AASDH: variants seen among roughly 807,000 people sequenced by gnomAD.
AASDH encodes the protein beta-alanine-activating enzyme.
AASDH carries 81 observed loss-of-function variants against 102.3 expected under a neutral mutation model. The observed-to-expected ratio is 0.79, with a 90% CI of 0.66 to 0.95. The LOEUF is 0.95. AASDH is among the 40% of genes least tolerant of loss of function. The pLI is 0.00. For missense variants in AASDH, 1,203 were observed against 1,266.2 expected, an observed-to-expected ratio of 0.95 and a Z score of 0.76; for synonymous variants, 398 against 454.0, an observed-to-expected ratio of 0.88 and a Z score of 1.57.
intron 1 of AASDH, among the ~76,000 whole-genome samples, chr4:56,385,959 T>C (rs1455077115): frequency 1.3e-5 from 2 of 151,806 alleles, no homozygotes; most frequent in Non-Finnish European, 2.9e-5. Flanking sequence ...TTCACACCTA[T>C]TTGAATTGAT....
rs766034540 is a variant in AASDH, at chr4:56,349,552, A to C, written c.2199T>G (p.Asp733Glu). The C allele has an allele frequency of 6.8e-6, 11 of 1,614,104 alleles. No individual in the cohort carries two copies. Among genetic ancestry groups the C allele is most frequent in the Non-Finnish European group, 7.6e-6 (9 of 1,180,036 alleles). Residue 733 changes from aspartate to glutamate, a missense_variant, in exon 11 of 15, where the codon GAT (aspartate) becomes GAG (glutamate). Coordinates refer to ENST00000205214, the MANE Select transcript of AASDH (RefSeq NM_181806.4). The stretch of plus-strand genomic sequence containing the variant: ...CAGAAACTTTTGCAACACAGGATGG[A>C]TCTTTTGACTTCCCAATAAGAACTG... ...NSPVLIGKSK[D>E]PSCVAKVSEE...
intron 5 of AASDH, among the ~76,000 whole-genome samples, chr4:56,359,184 C>CAT (rs745803833): frequency 2.8e-4 from 43 of 151,674 alleles, no homozygotes; most frequent in Non-Finnish European, 5.3e-4. Flanking sequence ...TGTCTCCCCT[C>CAT]ATATATGTGG....
At chr4:56,362,665 A>G (rs570512247) in intron 5 of AASDH, among the ~76,000 whole-genome samples, 1 of 152,340 alleles carries the variant, frequency 6.6e-6, no homozygotes, top group South Asian at 2.1e-4. Context: ...TAAATAAAAA[A>G]GTGTATATTA....
chr4:56,349,314 G>A lies in AASDH; in HGVS notation c.2437C>T (p.Arg813Ter), dbSNP rs75819972. The stretch of plus-strand genomic sequence containing the variant: ...GATACACATGCTGAGGATTCAATTC[G>A]ATCTCCCAAAATCTGTTCCCATTTT... Reference protein sequence around the residue: ...KVKWEQILGDRIESSACVSKC... With the variant: ...KVKWEQILGD The change falls in exon 11 of 15, where the codon CGA (arginine) becomes TGA (stop). Residue 813 changes from arginine (R) to a stop codon, truncating the protein, a stop_gained. Transcript: ENST00000205214. LOFTEE classifies it high-confidence loss of function. 11 of 1,613,912 alleles carry A rather than the reference G, an allele frequency of 6.8e-6. No homozygotes were observed. The highest frequency in any genetic ancestry group is 1.7e-5 in the Admixed American group (1 of 59,972).
chr4:56,359,324 C>CCTCCT (rs1560587401), intron 5 of AASDH, among the ~76,000 whole-genome samples: 4 of 151,704 alleles, frequency 2.6e-5, no homozygotes, highest in South Asian at 4.2e-4. Flanking sequence ...CCACAACATC[C>CCTCCT]GCCTCCTGCC....
chr4:56,356,304 C>T, intron 5 of AASDH: 1 of 1,307,294 alleles, frequency 7.6e-7, no homozygotes. Flanking sequence ...GTGAAATAGC[C>T]CTGCTCTATC....
At chr4:56,343,529 T>C (rs1379134610) in intron 13 of AASDH, 33 bp downstream of exon 13, 4 of 1,516,584 alleles carry the variant, frequency 2.6e-6, no homozygotes, top group Non-Finnish European at 3.5e-6. Flanking sequence ...TAAAGAAAAG[T>C]AATAAAATCA....
At chr4:56,342,373 C>T (rs1218309163) in intron 14 of AASDH, among the ~76,000 whole-genome samples, 1 of 152,102 alleles carries the variant, frequency 6.6e-6, no homozygotes, top group Non-Finnish European at 1.5e-5. Flanking sequence ...AATCATTACA[C>T]AGTCTATGAT....
intron 11 of AASDH, among the ~76,000 whole-genome samples, chr4:56,346,601 G>A (rs1357430880): frequency 6.6e-6 from 1 of 152,072 alleles, no homozygotes; most frequent in Non-Finnish European, 1.5e-5. Flanking sequence ...CCCAGACTGA[G>A]AGAAAACATG....
At position 56,378,465 on chromosome 4, in the gene AASDH, C is replaced by T. The variant is rs1560615938; in HGVS notation, c.352-1G>A. On this transcript the variant is annotated splice_acceptor_variant, in intron 3 of 14. Coordinates refer to ENST00000205214, the MANE Select transcript of AASDH (RefSeq NM_181806.4). LOFTEE classifies it high-confidence loss of function. ...ATGTTTCATGAAAAGATTTAAATTT[C>T]TGTGTGAAATGGGGGACAAAGTTTA... The T allele has an allele frequency of 1.9e-6, 3 of 1,588,438 alleles. No homozygotes were observed. Among genetic ancestry groups the T allele is most frequent in the Non-Finnish European group, 2.6e-6 (3 of 1,169,394 alleles).
At position 56,338,415 on chromosome 4, in the gene AASDH, C is replaced by G. The variant is rs1302572322; in HGVS notation, c.3284G>C (p.Gly1095Ala). 1.2e-6 allele frequency: 2 copies of G among 1,612,846 alleles called. No homozygotes were observed. The highest frequency in any genetic ancestry group is 1.7e-4 in the Middle Eastern group (1 of 6,056). ...NYVYCLDLLG[G>A]NQK ...GACTGTATTTGATTATTTTTGATTG[C>G]CACCCAATAAATCCAGACAATAAAC... is the stretch of plus-strand genomic sequence containing the variant. Residue 1095 changes from glycine to alanine, a missense_variant, in exon 15 of 15, where the codon GGC becomes GCC. Transcript: ENST00000205214.
chr4:56,378,979 G>T (rs1270769454), intron 3 of AASDH, among the ~76,000 whole-genome samples: 1 of 151,930 alleles, frequency 6.6e-6, no homozygotes, highest in Non-Finnish European at 1.5e-5. Context: ...CGCCTCCCAG[G>T]TTCACACCAT....
chr4:56,383,011 C>G (rs1293333098), intron 2 of AASDH, among the ~76,000 whole-genome samples: 1 of 152,218 alleles, frequency 6.6e-6, no homozygotes, highest in African/African-American at 2.4e-5. Context: ...GAGCCGAGAT[C>G]ACGCCGTTGC....
At chr4:56,341,596 T>C (rs1577950299) in intron 14 of AASDH, among the ~76,000 whole-genome samples, 1 of 131,564 alleles carries the variant, frequency 7.6e-6, no homozygotes, top group Non-Finnish European at 1.6e-5. Context: ...AGAGACGGGG[T>C]TTCACCATGT....
chr4:56,372,330 A>G (rs1751824029), intron 4 of AASDH, among the ~76,000 whole-genome samples: 2 of 152,108 alleles, frequency 1.3e-5, no homozygotes, highest in Non-Finnish European at 2.9e-5. Flanking sequence ...AATTGTGTAA[A>G]CCAATTTCTT....
chr4:56,345,355 T>A, intron 11 of AASDH, 65 bp from the exon 12 acceptor site: 1 of 1,463,822 alleles, frequency 6.8e-7, no homozygotes, highest in Non-Finnish European at 9.4e-7. Context: ...TTCTTTAGCC[T>A]ACAGCATGCA....
At chr4:56,352,278 T>C (rs1749107695) in intron 9 of AASDH, among the ~76,000 whole-genome samples, 1 of 152,130 alleles carries the variant, frequency 6.6e-6, no homozygotes. Context: ...TGAGGGTGCT[T>C]CTGGATGAGA....
intron 11 of AASDH, among the ~76,000 whole-genome samples, chr4:56,346,948 G>A (rs560619870): frequency 6.6e-6 from 1 of 151,994 alleles, no homozygotes; most frequent in South Asian, 2.1e-4. Flanking sequence ...AGCTGAGGTG[G>A]GAGCATCACC....
chr4:56,353,341 G>A, intron 9 of AASDH, 63 bp downstream of exon 9: 1 of 1,286,558 alleles, frequency 7.8e-7, no homozygotes. Flanking sequence ...TTATCATTAA[G>A]CTAGTTATGA....
Sources: gnomAD v4.1 joint callset for allele counts (sites outside exome capture counted in the v4.1 genomes callset) on GRCh38, gnomAD v4.1.1 for gene constraint, MANE v1.5 for transcripts, NCBI Gene and HGNC (gene_info 2026-07-23, HGNC 2026-07-21) for gene names.